Variants in PTPRD observed in about 807,000 individuals in gnomAD.
PTPRD encodes the protein protein tyrosine phosphatase receptor type D.
In PTPRD, 34 loss-of-function variants were observed where a neutral mutation model predicts 214.5. That is an observed-to-expected ratio of 0.16 (90% CI 0.12 to 0.21). The LOEUF (loss-of-function observed/expected upper bound fraction) is 0.21. PTPRD is among the 10% of genes least tolerant of loss of function. The probability of loss-of-function intolerance (pLI) is 1.00; values close to 1 mark genes in which losing one functional copy is unlikely to be tolerated. For missense variants in PTPRD, 2,545 were observed against 2,398.7 expected (o/e 1.06, Z -1.27); for synonymous variants, 1,128 against 845.7 (o/e 1.33, Z -5.79).
At chr9:8,409,924 T>A (rs1050220170) in intron 35 of PTPRD, among the ~76,000 whole-genome samples, 1 of 152,226 alleles carries the variant, frequency 6.6e-6, no homozygotes, top group Non-Finnish European at 1.5e-5. Context: ...TTCAATGACC[T>A]TAACTTCCAA....
At chr9:10,247,709 C>T (rs2092313814) in intron 3 of PTPRD, among the ~76,000 whole-genome samples, 1 of 152,038 alleles carries the variant, frequency 6.6e-6, no homozygotes, top group Non-Finnish European at 1.5e-5. Context: ...ATTTGCTTTT[C>T]ATTTTGGCTG....
rs560890214 is a variant in PTPRD, at chr9:8,786,735, C to G, written c.-103-52789G>C. ...CAGTCAAACATTTGGAGTTTTATAC[C>G]TGAATCCTCAGGGAAAAAAAAGGTG... On this transcript the variant is annotated intron_variant, in intron 11 of 45. Coordinates refer to ENST00000381196, the MANE Select transcript of PTPRD (RefSeq NM_002839.4). 2.1e-5 allele frequency among the ~76,000 whole-genome samples: 3 copies of G among 145,054 alleles called. No homozygotes were observed. In the East Asian group the frequency reaches 6.0e-4, roughly 29 times the overall value.
intron 3 of PTPRD, among the ~76,000 whole-genome samples, chr9:10,075,761 T>C (rs896731856): frequency 2.6e-5 from 4 of 152,038 alleles, no homozygotes; most frequent in African/African-American, 9.7e-5. Flanking sequence ...CTTTGTAAAA[T>C]TGAAGCTTTA....
intron 7 of PTPRD, among the ~76,000 whole-genome samples, chr9:9,629,296 T>TG (rs1188879379): frequency 6.6e-6 from 1 of 150,798 alleles, no homozygotes; most frequent in African/African-American, 2.4e-5. Context: ...TGTATATATA[T>TG]ATTATATTTT....
At chr9:8,944,200 G>C (rs572343592) in intron 11 of PTPRD, among the ~76,000 whole-genome samples, 2 of 152,162 alleles carry the variant, frequency 1.3e-5, no homozygotes, top group East Asian at 3.9e-4. Flanking sequence ...ACTACAATGA[G>C]ATATCATCTC....
At chr9:8,817,352 T>C (rs564130274) in intron 11 of PTPRD, among the ~76,000 whole-genome samples, 1 of 152,210 alleles carries the variant, frequency 6.6e-6, no homozygotes, top group Non-Finnish European at 1.5e-5. Flanking sequence ...TATTTAGAAA[T>C]AGTAAAAGAA....
chr9:9,828,626 G>A (rs2494410), intron 5 of PTPRD, among the ~76,000 whole-genome samples: 72,686 of 151,714 alleles, frequency 0.48, 18,290 homozygotes, highest in East Asian at 0.89. Flanking sequence ...CGTTGTGCAC[G>A]TGTACCATAA....
At chr9:9,149,148 G>T (rs1490218122) in intron 10 of PTPRD, among the ~76,000 whole-genome samples, 1 of 152,136 alleles carries the variant, frequency 6.6e-6, no homozygotes, top group African/African-American at 2.4e-5. Context: ...CTTGAGCAAG[G>T]TATAAAATTA....
At chr9:8,738,478 G>A (rs914914059) in intron 11 of PTPRD, among the ~76,000 whole-genome samples, 1 of 151,950 alleles carries the variant, frequency 6.6e-6, no homozygotes, top group Non-Finnish European at 1.5e-5. Flanking sequence ...TATAGGCTTT[G>A]TATGGGAAAT....
At chr9:10,025,278 C>A (rs1471365183) in intron 4 of PTPRD, among the ~76,000 whole-genome samples, 2 of 152,174 alleles carry the variant, frequency 1.3e-5, no homozygotes, top group African/African-American at 2.4e-5. Flanking sequence ...TTCTCCACAT[C>A]CTCTCCAGCA....
chr9:9,318,538 A>T (rs1015356353), intron 9 of PTPRD, among the ~76,000 whole-genome samples: 1 of 152,204 alleles, frequency 6.6e-6, no homozygotes, highest in Non-Finnish European at 1.5e-5. Flanking sequence ...TACTACTAGC[A>T]TCCAAATACT....
chr9:8,866,890 T>C (rs927435128), intron 11 of PTPRD, among the ~76,000 whole-genome samples: 3 of 152,172 alleles, frequency 2.0e-5, no homozygotes, highest in African/African-American at 4.8e-5. Context: ...GGATAAAAGA[T>C]AATAGAAAGC....
intron 14 of PTPRD, among the ~76,000 whole-genome samples, chr9:8,534,498 A>G (rs1403646364): frequency 6.6e-6 from 1 of 151,884 alleles, no homozygotes; most frequent in African/African-American, 2.4e-5. Flanking sequence ...ATACTCTCAC[A>G]GAACAAGAGT....
At chr9:9,592,231 C>T (rs1001387352) in intron 7 of PTPRD, among the ~76,000 whole-genome samples, 3 of 151,908 alleles carry the variant, frequency 2.0e-5, no homozygotes, top group Admixed American at 2.0e-4. Context: ...TGGCCTTTTG[C>T]CTAAATTATA....
chr9:9,207,960 T>C (rs545216129), intron 9 of PTPRD, among the ~76,000 whole-genome samples: 8 of 148,988 alleles, frequency 5.4e-5, no homozygotes, highest in East Asian at 2.0e-4. Context: ...AAGAGACAAA[T>C]ACATAGTATG....
chr9:10,370,237 T>C (rs1035974478), intron 2 of PTPRD, among the ~76,000 whole-genome samples: 2 of 152,080 alleles, frequency 1.3e-5, no homozygotes, highest in Non-Finnish European at 2.9e-5. Context: ...CTTATCTTTT[T>C]CTTCTCATTA....
At chr9:10,216,940 T>C (rs2099544245) in intron 3 of PTPRD, among the ~76,000 whole-genome samples, 1 of 151,980 alleles carries the variant, frequency 6.6e-6, no homozygotes, top group Non-Finnish European at 1.5e-5. Context: ...ATTCCTCCAC[T>C]AGTCAAAAAA....
intron 44 of PTPRD, among the ~76,000 whole-genome samples, chr9:8,329,083 T>C (rs756235079): frequency 2.0e-5 from 3 of 151,916 alleles, no homozygotes; most frequent in African/African-American, 7.3e-5. Context: ...TGGCGAGGAG[T>C]TGTGATCCTT....
At chr9:9,612,712 A>G (rs933675401) in intron 7 of PTPRD, among the ~76,000 whole-genome samples, 1 of 152,042 alleles carries the variant, frequency 6.6e-6, no homozygotes, top group African/African-American at 2.4e-5. Context: ...CAAATTTGAG[A>G]GCCAAAAGAA....
Sources: allele counts gnomAD v4.1 joint callset (sites outside exome capture counted in the v4.1 genomes callset), GRCh38; gene constraint gnomAD v4.1.1; transcripts MANE v1.5; gene names NCBI Gene and HGNC (gene_info 2026-07-23, HGNC 2026-07-21).